The following JCAD variants were observed in gnomAD, a reference collection of about 807,000 sequenced individuals.
The protein encoded by JCAD is junctional cadherin 5-associated protein.
A neutral mutation model predicts 98.0 loss-of-function variants in JCAD; 40 were observed. The ratio of observed to expected loss-of-function variants is 0.41; its 90% CI spans 0.32 to 0.53. JCAD has a LOEUF of 0.53. Among genes scored for constraint, JCAD ranks in the 20% least tolerant of loss-of-function variants. The pLI is 0.31. For synonymous variants in JCAD, 691 were observed against 682.3 expected (o/e 1.01, Z -0.20); for missense variants, 1,705 against 1,738.1 (o/e 0.98, Z 0.34).
chr10:30,071,703 G>C (rs1312956877), intron 1 of JCAD, among the ~76,000 whole-genome samples: 1 of 151,976 alleles, frequency 6.6e-6, no homozygotes, highest in Non-Finnish European at 1.5e-5. Flanking sequence ...GCTTGAACCT[G>C]GGGGGCGGAG....
upstream of JCAD, among the ~76,000 whole-genome samples, chr10:30,063,622 G>A (rs1837736808): frequency 1.3e-5 from 2 of 151,976 alleles, no homozygotes; most frequent in Admixed American, 1.3e-4. Context: ...AAAAAAATTT[G>A]TTGTCTTCAC....
chr10:30,077,901 A>G (rs1221802500), intron 1 of JCAD, among the ~76,000 whole-genome samples: 1 of 152,086 alleles, frequency 6.6e-6, no homozygotes, highest in Non-Finnish European at 1.5e-5. Context: ...TTGAGTCACT[A>G]TTTTCAGTTC....
At chr10:30,110,190 C>CCCG (rs1433067232) in intron 1 of JCAD, among the ~76,000 whole-genome samples, 1 of 148,634 alleles carries the variant, frequency 6.7e-6, no homozygotes, top group African/African-American at 2.6e-5. Context: ...GATGTATGGA[C>CCCG]CTGCTGATGT....
chr10:30,027,759 G>GCCCAGGGTGGGCTCCAAGCCCGTGGA lies in JCAD; in HGVS notation c.2363_2388dup (p.Pro797SerfsTer15). 1 of 1,614,200 alleles carries GCCCAGGGTGGGCTCCAAGCCCGTGGA rather than the reference G, an allele frequency of 6.2e-7. No individual in the cohort carries two copies. Among genetic ancestry groups the GCCCAGGGTGGGCTCCAAGCCCGTGGA allele is most frequent in the Non-Finnish European group, 8.5e-7 (1 of 1,180,034 alleles). ...TCCCCCTTCACCACCTCCCGCTTAGGCCCAGGGTGGGCTCCAAGCCCGTGG... is the reference window on the plus strand; with the variant it reads ...TCCCCCTTCACCACCTCCCGCTTAGGCCCAGGGTGGGCTCCAAGCCCGTGGACCCAGGGTGGGCTCCAAGCCCGTGG... On this transcript the variant is annotated frameshift_variant, in exon 3 of 4. Transcript: ENST00000375377. LOFTEE classifies it high-confidence loss of function.
In JCAD at chr10:30,059,581, A is replaced by T. The variant is rs1300318598; in HGVS notation, c.-159T>A. The T allele has an allele frequency of 3.8e-5, 5 of 132,392 alleles. No homozygotes were observed. The highest frequency in any genetic ancestry group is 2.0e-4 in the East Asian group (1 of 5,022). The allele number at this position is 132,392 out of a possible 1,614,324, so 8.2% of individuals were successfully genotyped here. A position where few individuals can be genotyped will look rare whatever the true frequency, so the allele number is the denominator to read the frequency against. On this transcript the variant is annotated 5_prime_UTR_variant, in exon 1 of 4. An upstream start codon of the reference 5' UTR is lost. Transcript: ENST00000375377. The surrounding 1 kb of genome is among the most constrained non-coding windows in gnomAD (Gnocchi z 5.0). ...CCGCCTGCAGCCGCCGAGGCCGAGCATGCCCGGAGAACCGCCGTCCGCCCC... is the reference window on the plus strand; with the variant it reads ...CCGCCTGCAGCCGCCGAGGCCGAGCTTGCCCGGAGAACCGCCGTCCGCCCC...
chr10:30,112,128 C>T (rs1838712498), intron 1 of JCAD, among the ~76,000 whole-genome samples: 1 of 152,070 alleles, frequency 6.6e-6, no homozygotes, highest in Non-Finnish European at 1.5e-5. Flanking sequence ...ATCATTCAGC[C>T]GTAGAACAGA....
At chr10:30,068,147 G>A (rs1217424864) in intron 2 of JCAD, among the ~76,000 whole-genome samples, 1 of 152,190 alleles carries the variant, frequency 6.6e-6, no homozygotes, top group Admixed American at 6.5e-5. Context: ...GTAGCACTTC[G>A]GGGGGCCGAG....
At chr10:30,105,380 A>C (rs1189312441) in intron 1 of JCAD, among the ~76,000 whole-genome samples, 1 of 141,568 alleles carries the variant, frequency 7.1e-6, no homozygotes, top group Admixed American at 7.3e-5. Flanking sequence ...TTTGAGATGG[A>C]GTATTGCTCT....
intron 2 of JCAD, among the ~76,000 whole-genome samples, chr10:30,068,879 C>G (rs941228208): frequency 6.6e-6 from 1 of 152,224 alleles, no homozygotes; most frequent in Admixed American, 6.5e-5. Context: ...CCTTGTCTCT[C>G]CTTGCCTTTC....
chr10:30,073,315 A>G (rs1292277442), intron 1 of JCAD, among the ~76,000 whole-genome samples: 1 of 152,172 alleles, frequency 6.6e-6, no homozygotes, highest in Non-Finnish European at 1.5e-5. Flanking sequence ...TCTGGTTATG[A>G]GAATTAGATA....
intron 3 of JCAD, among the ~76,000 whole-genome samples, chr10:30,018,831 G>A (rs564102978): frequency 1.3e-5 from 2 of 152,202 alleles, no homozygotes; most frequent in East Asian, 3.9e-4. Flanking sequence ...AAGGAGTACA[G>A]CCATTATGGA....
intron 2 of JCAD, among the ~76,000 whole-genome samples, chr10:30,036,331 C>A (rs1171726669): frequency 6.6e-6 from 1 of 152,150 alleles, no homozygotes; most frequent in Non-Finnish European, 1.5e-5. Context: ...TGCCTGTAAT[C>A]CCAGCTACTT....
upstream of JCAD, among the ~76,000 whole-genome samples, chr10:30,060,496 G>T (rs943773724): frequency 2.0e-5 from 3 of 152,198 alleles, no homozygotes; most frequent in Admixed American, 6.5e-5. Flanking sequence ...ATTTTGGAAG[G>T]CAGACAGAAG....
intron 2 of JCAD, among the ~76,000 whole-genome samples, chr10:30,031,438 A>ATTT (rs34213034): frequency 5.6e-4 from 54 of 97,072 alleles, no homozygotes; most frequent in Non-Finnish European, 6.9e-4. Flanking sequence ...GCCCATCTGT[A>ATTT]TTTTTTTTTT....
intron 1 of JCAD, among the ~76,000 whole-genome samples, chr10:30,070,889 TTTG>T (rs1027763190): frequency 2.1e-4 from 32 of 152,224 alleles, no homozygotes; most frequent in South Asian, 1.0e-3. Flanking sequence ...ATACAGTGTT[TTTG>T]TTGTTGTTGT....
At chr10:30,084,564 C>T (rs1838137005) in intron 1 of JCAD, among the ~76,000 whole-genome samples, 1 of 152,132 alleles carries the variant, frequency 6.6e-6, no homozygotes, top group African/African-American at 2.4e-5. Context: ...AGGGAGAATT[C>T]CTCTTGCCTG....
chr10:30,085,790 G>T (rs1009937933), intron 1 of JCAD, among the ~76,000 whole-genome samples: 127 of 152,286 alleles, frequency 8.3e-4, no homozygotes, highest in African/African-American at 3.0e-3. Context: ...CTATTTAATA[G>T]TGCCCATGGG....
intron 3 of JCAD, among the ~76,000 whole-genome samples, chr10:30,018,494 G>T (rs1261228412): frequency 1.3e-5 from 2 of 152,096 alleles, no homozygotes; most frequent in Non-Finnish European, 2.9e-5. Context: ...TCAGCGCAAG[G>T]CTTCTAGAGC....
chr10:30,059,307 G>A lies in JCAD; in HGVS notation c.-60+175C>T, dbSNP rs962390783. 6.6e-6 allele frequency among the ~76,000 whole-genome samples: 1 copy of A among 151,300 alleles called. No homozygotes were observed. The highest frequency in any genetic ancestry group is 2.4e-5 in the African/African-American group (1 of 41,332). On this transcript the variant is annotated intron_variant, in intron 1 of 3. Coordinates refer to ENST00000375377, the MANE Select transcript of JCAD (RefSeq NM_020848.4). This position sits in a 1 kb window ranked among gnomAD's most constrained non-coding sequence, Gnocchi z 5.0. ...AGGCACCGCGCGGGGGGCCCAGGCG[G>A]GGCTGCGACTGGGGGTGCAGACATC...
Sources: gnomAD v4.1 joint callset for allele counts (sites outside exome capture counted in the v4.1 genomes callset) on GRCh38, gnomAD v4.1.1 for gene constraint, Gnocchi (gnomAD v3.1) non-coding constraint, MANE v1.5 for transcripts, NCBI Gene and HGNC (gene_info 2026-07-23, HGNC 2026-07-21) for gene names.